Variants in CLPTM1L observed in about 807,000 individuals in gnomAD.
The protein encoded by CLPTM1L is lipid scramblase CLPTM1L.
In CLPTM1L, 38 loss-of-function variants were observed where a neutral mutation model predicts 70.9. The observed-to-expected ratio is 0.54, with a 90% confidence interval of 0.41 to 0.70. The LOEUF (loss-of-function observed/expected upper bound fraction) is 0.70. Among genes scored for constraint, CLPTM1L ranks in the 30% least tolerant of loss-of-function variants. CLPTM1L has a pLI of 0.00. For synonymous variants in CLPTM1L, 339 were observed against 299.9 expected (o/e 1.13, Z -1.35); for missense variants, 652 against 705.9 (o/e 0.92, Z 0.87).
At position 1,341,693 on chromosome 5, in the gene CLPTM1L, A is replaced by G; in HGVS notation, c.431T>C (p.Leu144Pro). 6.2e-7 allele frequency: 1 copy of G among 1,610,464 alleles called. No individual in the cohort carries two copies. The highest frequency in any genetic ancestry group is 8.5e-7 in the Non-Finnish European group (1 of 1,177,126). ...CACCTGTGTATCAGACTCCCCGGTG[A>G]GCAGGTTGATTTCTTCTGGCTTGGG... is the stretch of plus-strand genomic sequence containing the variant. ...MVPKPEEINL[L>P]TGESDTQQIE... Residue 144 changes from leucine (L) to proline (P), a missense_variant, in exon 3 of 17, where the codon CTC becomes CCC. Transcript: ENST00000320895.
At chr5:1,340,346 G>T (rs1300162308) in intron 3 of CLPTM1L, among the ~76,000 whole-genome samples, 1 of 152,156 alleles carries the variant, frequency 6.6e-6, no homozygotes, top group African/African-American at 2.4e-5. Context: ...GATTACACAC[G>T]GCTCTTACAT....
chr5:1,332,266 T>C (rs946659364), intron 7 of CLPTM1L: 8 of 200,068 alleles, frequency 4.0e-5, no homozygotes, highest in African/African-American at 1.1e-4. Context: ...GGGCTGGGCA[T>C]GGTGGCCCAT....
chr5:1,344,460 G>A lies in CLPTM1L; in HGVS notation c.163-9C>T. ...GTGGTGTACACGCTCAGCTGGAAAG[G>A]AGGGGGCGTCGAGAGTCAGCTCGGC... On this transcript the variant is annotated splice_polypyrimidine_tract_variant and intron_variant, in intron 1 of 16. Coordinates refer to ENST00000320895, the MANE Select transcript of CLPTM1L (RefSeq NM_030782.5). 6.2e-7 allele frequency: 1 copy of A among 1,611,272 alleles called. No individual in the cohort carries two copies. Among genetic ancestry groups the A allele is most frequent in the South Asian group, 1.1e-5 (1 of 91,020 alleles).
Position 1,325,561 on chromosome 5 carries a change from A to G in CLPTM1L, c.1146+190T>C, listed in dbSNP as rs1219787195. On this transcript the variant is annotated intron_variant, in intron 10 of 16. Transcript: ENST00000320895. ...GCACTGAAGACGGTCAGAACTAGGT[A>G]TATGACCGGGGAATCCTCAGGCGAA... 6.5e-6 allele frequency: 4 copies of G among 613,852 alleles called. No homozygotes were observed. The East Asian group carries it at 8.1e-5, about 12-fold the overall frequency. 38.0% of individuals were successfully genotyped at this position (613,852 alleles called of 1,614,324 possible). A position where few individuals can be genotyped will look rare whatever the true frequency, so the allele number is the denominator to read the frequency against.
At chr5:1,323,892 C>T (rs768916470) in intron 11 of CLPTM1L, 23 bp from the exon 12 acceptor site, 10 of 1,581,182 alleles carry the variant, frequency 6.3e-6, no homozygotes, top group Non-Finnish European at 7.8e-6. Flanking sequence ...AAGATGGCTT[C>T]CAGTTAGAGG....
rs897568397 is a variant in CLPTM1L, at chr5:1,342,106, C to T, written c.264-246G>A. Among the ~76,000 whole-genome samples, 10 of 151,582 alleles carry T rather than the reference C, an allele frequency of 6.6e-5. No homozygotes were observed. Among genetic ancestry groups the T allele is most frequent in the Non-Finnish European group, 1.3e-4 (9 of 67,936 alleles). ...TGGGCGCCTACAGCCGAAAGCAAAA[C>T]GGCCCGCACTTCCTGCCTCCATCTC... On this transcript the variant is annotated intron_variant, in intron 2 of 16. Coordinates refer to ENST00000320895, the MANE Select transcript of CLPTM1L (RefSeq NM_030782.5). The surrounding 1 kb of genome is among the most constrained non-coding windows in gnomAD (Gnocchi z 4.3).
At chr5:1,329,096 G>T (rs376666152) in intron 9 of CLPTM1L, among the ~76,000 whole-genome samples, 3 of 152,242 alleles carry the variant, frequency 2.0e-5, no homozygotes, top group African/African-American at 7.2e-5. Context: ...GGCTCCTGCC[G>T]GTGTGGCACA....
chr5:1,335,156 TG>T lies in CLPTM1L; in HGVS notation c.696del (p.Thr233ProfsTer43). The T allele has an allele frequency of 6.2e-7, 1 of 1,613,618 alleles. No homozygotes were observed. Among genetic ancestry groups the T allele is most frequent in the Non-Finnish European group, 8.5e-7 (1 of 1,179,982 alleles). ...TAGGACACGGTGAGGGGCAGCTCGG[TG>T]GTGGAGCGGTTTATGACCTGATGAA... ...VKDLMVINRS[T>X]TELPLTVSYD... On this transcript the variant is annotated frameshift_variant, in exon 6 of 17. Coordinates refer to ENST00000320895, the MANE Select transcript of CLPTM1L (RefSeq NM_030782.5). LOFTEE classifies it high-confidence loss of function.
chr5:1,330,552 C>T (rs1266165560), intron 8 of CLPTM1L, 169 bp from the exon 9 acceptor site: 2 of 596,780 alleles, frequency 3.4e-6, no homozygotes, highest in Non-Finnish European at 6.1e-6. Context: ...AAGCATTCAG[C>T]AGCTAGGAAA....
chr5:1,327,847 C>A (rs1318055900), intron 9 of CLPTM1L, among the ~76,000 whole-genome samples: 1 of 147,524 alleles, frequency 6.8e-6, no homozygotes, highest in Non-Finnish European at 1.5e-5. Context: ...TTCCATCCAG[C>A]TCCTCCTCTA....
At position 1,345,011 on chromosome 5, in the gene CLPTM1L, C is replaced by G. The variant is rs1248668048; in HGVS notation, c.-170G>C. ...GCCGCGCGCCGCAGACCGCCGGCCG[C>G]CCCGCATGCTCCGGCCCCGCTCCCA... On this transcript the variant is annotated 5_prime_UTR_variant, in exon 1 of 17. Transcript: ENST00000320895. 1 of 216,390 alleles carries G rather than the reference C, an allele frequency of 4.6e-6. No individual in the cohort carries two copies. Among genetic ancestry groups the G allele is most frequent in the Non-Finnish European group, 7.8e-6 (1 of 128,190 alleles). 13.4% of individuals were successfully genotyped at this position (216,390 alleles called of 1,614,324 possible).
intron 9 of CLPTM1L, among the ~76,000 whole-genome samples, chr5:1,329,482 T>A (rs1325184583): frequency 8.3e-5 from 12 of 143,978 alleles, no homozygotes; most frequent in Admixed American, 1.4e-4. Flanking sequence ...CTCAGGACTC[T>A]CTGCTTGGTG....
rs1358577527 is a variant in CLPTM1L at position 1,333,489 on chromosome 5, C to T, written c.891+800G>A. On this transcript the variant is annotated intron_variant, in intron 7 of 16. Transcript: ENST00000320895. ...TAAGGGGGGACTATTGTATACACACCAGATGAGGATAAGGGGGGACTACTG... is the reference window on the plus strand; with the variant it reads ...TAAGGGGGGACTATTGTATACACACTAGATGAGGATAAGGGGGGACTACTG... Among the ~76,000 whole-genome samples the T allele has an allele frequency of 1.7e-3, 176 of 101,226 alleles. 3 individuals carry two copies. The highest frequency in any genetic ancestry group is 0.01 in the Middle Eastern group (1 of 100). The allele number at this position is 101,226 out of a possible 152,430, so 66.4% of individuals were successfully genotyped here.
chr5:1,332,107 A>C, intron 7 of CLPTM1L: 3 of 567,708 alleles, frequency 5.3e-6, no homozygotes, highest in Non-Finnish European at 3.2e-6. Flanking sequence ...TTCTGAAATA[A>C]TACGTACCTT....
rs1560873128 is a variant in CLPTM1L, at chr5:1,342,042, A to ATGTGTG, written c.264-183_264-182insCACACA. On this transcript the variant is annotated intron_variant, in intron 2 of 16. Coordinates refer to ENST00000320895, the MANE Select transcript of CLPTM1L (RefSeq NM_030782.5). This position sits in a 1 kb window ranked among gnomAD's most constrained non-coding sequence, Gnocchi z 4.3. ...TGTGTGTGTGTGTGTGTGTGTGTGC[A>ATGTGTG]CGCGCACGCGTGCGCGTCCTGAGAA... 4.1e-5 allele frequency among the ~76,000 whole-genome samples: 6 copies of ATGTGTG among 146,654 alleles called. No individual in the cohort carries two copies. The highest frequency in any genetic ancestry group is 1.3e-4 in the African/African-American group (5 of 38,978).
chr5:1,342,009 C>CTT lies in CLPTM1L; in HGVS notation c.264-150_264-149insAA. 2.0e-6 allele frequency: 1 copy of CTT among 502,688 alleles called. No individual in the cohort carries two copies. The highest frequency in any genetic ancestry group is 3.4e-6 in the Non-Finnish European group (1 of 291,858). The allele number at this position is 502,688 out of a possible 1,614,324, so 31.1% of individuals were successfully genotyped here. A position where few individuals can be genotyped will look rare whatever the true frequency, so the allele number is the denominator to read the frequency against. ...CCCACCTGCCCAGGGCTTTACGAGT[C>CTT]GTGTGTGTGTGTGTGTGTGTGTGTG... is the stretch of plus-strand genomic sequence containing the variant. On this transcript the variant is annotated intron_variant, in intron 2 of 16. Transcript: ENST00000320895. This position sits in a 1 kb window ranked among gnomAD's most constrained non-coding sequence, Gnocchi z 4.3.
chr5:1,325,854 C>T (rs371385694), intron 9 of CLPTM1L, 38 bp from the exon 10 acceptor site: 22 of 1,586,554 alleles, frequency 1.4e-5, no homozygotes, highest in South Asian at 5.5e-5. Flanking sequence ...CTTTAATATT[C>T]GAAGGCCAGG....
At chr5:1,343,883 A>G (rs1445086346) in intron 2 of CLPTM1L, among the ~76,000 whole-genome samples, 1 of 152,254 alleles carries the variant, frequency 6.6e-6, no homozygotes, top group Non-Finnish European at 1.5e-5. Flanking sequence ...GATACTCTAC[A>G]TATTTGGACA....
intron 2 of CLPTM1L, among the ~76,000 whole-genome samples, chr5:1,343,544 G>C (rs968776595): frequency 2.0e-5 from 3 of 152,236 alleles, no homozygotes; most frequent in Non-Finnish European, 2.9e-5. Context: ...ATTTTTGAAA[G>C]GTGTGGGCAG....
Sources: gnomAD v4.1 joint callset for allele counts (sites outside exome capture counted in the v4.1 genomes callset) on GRCh38, gnomAD v4.1.1 for gene constraint, Gnocchi (gnomAD v3.1) non-coding constraint, MANE v1.5 for transcripts, NCBI Gene and HGNC (gene_info 2026-07-23, HGNC 2026-07-21) for gene names.